GSTA3: variants seen among roughly 807,000 people sequenced by gnomAD.
GSTA3 encodes glutathione S-transferase alpha 3, also known as glutathione S-transferase A3.
Under a neutral mutation model 23.1 loss-of-function variants are expected in GSTA3, and 16 were observed. The ratio of observed to expected loss-of-function variants is 0.69; its 90% CI spans 0.47 to 1.05. The LOEUF is 1.05. Among genes scored for constraint, GSTA3 ranks in the 50% least tolerant of loss-of-function variants. GSTA3 has a pLI of 0.00. For missense variants in GSTA3, 319 were observed against 263.6 expected, an observed-to-expected ratio of 1.21 and a Z score of -1.46; for synonymous variants, 122 against 91.0, an observed-to-expected ratio of 1.34 and a Z score of -1.94.
intron 3 of GSTA3, among the ~76,000 whole-genome samples, chr6:52,903,442 A>T (rs1400477850): frequency 6.6e-6 from 1 of 151,344 alleles, no homozygotes. Context: ...AAAAAAAAAA[A>T]AAAAACTAGC....
chr6:52,905,139 A>G (rs1334655028), intron 2 of GSTA3, among the ~76,000 whole-genome samples: 1 of 152,172 alleles, frequency 6.6e-6, no homozygotes, highest in African/African-American at 2.4e-5. Context: ...TATTGTATAA[A>G]TTTCTCATAT....
At chr6:52,898,088 T>G in intron 5 of GSTA3, 132 bp from the exon 6 acceptor site, 1 of 1,004,996 alleles carries the variant, frequency 1.0e-6, no homozygotes, top group Admixed American at 1.9e-5. Flanking sequence ...TCCAGGCCTT[T>G]GTTTATGTTC....
At chr6:52,908,694 T>C (rs1765974745) in intron 1 of GSTA3, among the ~76,000 whole-genome samples, 1 of 152,224 alleles carries the variant, frequency 6.6e-6, no homozygotes. Context: ...ATAAGTGCTT[T>C]GGCAGGGTAG....
Position 52,896,935 on chromosome 6 carries a change from T to A in GSTA3, c.547-7A>T, listed in dbSNP as rs544635093. On this transcript the variant is annotated splice_region_variant and splice_polypyrimidine_tract_variant and intron_variant, in intron 6 of 6. Transcript: ENST00000211122. The stretch of plus-strand genomic sequence containing the variant: ...TGATTCTGGTTTTCAGGGCCTGTAA[T>A]TCACAAAGCACAGCCTCAGAGTGAA... The A allele has an allele frequency of 9.4e-5, 151 of 1,613,790 alleles. No individual in the cohort carries two copies. The highest frequency in any genetic ancestry group is 1.2e-4 in the Non-Finnish European group (137 of 1,179,814).
At chr6:52,906,366 T>C (rs1335921911) in intron 1 of GSTA3, among the ~76,000 whole-genome samples, 1 of 152,192 alleles carries the variant, frequency 6.6e-6, no homozygotes, top group Non-Finnish European at 1.5e-5. Context: ...TTCAGACTAG[T>C]TTCTTCCTGT....
chr6:52,908,003 A>AG (rs1027533445), intron 1 of GSTA3, among the ~76,000 whole-genome samples: 4 of 148,068 alleles, frequency 2.7e-5, no homozygotes, highest in African/African-American at 1.1e-4. Flanking sequence ...TAAAAAAAAA[A>AG]GAAGTTACCA....
intron 1 of GSTA3, among the ~76,000 whole-genome samples, chr6:52,906,496 C>T (rs1455955874): frequency 6.6e-6 from 1 of 152,168 alleles, no homozygotes; most frequent in Admixed American, 6.5e-5. Context: ...AAAGAGCCCG[C>T]ATCATCAAGT....
intron 3 of GSTA3, among the ~76,000 whole-genome samples, chr6:52,903,443 A>C (rs1045182163): frequency 7.9e-5 from 12 of 151,478 alleles, no homozygotes; most frequent in Non-Finnish European, 1.2e-4. Context: ...AAAAAAAAAA[A>C]AAAACTAGCC....
At chr6:52,900,120 G>T (rs1765618396) in intron 4 of GSTA3, 45 bp from the exon 5 acceptor site, 5 of 1,547,074 alleles carry the variant, frequency 3.2e-6, no homozygotes, top group Non-Finnish European at 4.4e-6. Flanking sequence ...TCTTGCCTTA[G>T]ATTTTGTAGG....
At chr6:52,899,312 A>C (rs1765586452) in intron 5 of GSTA3, among the ~76,000 whole-genome samples, 1 of 152,174 alleles carries the variant, frequency 6.6e-6, no homozygotes, top group African/African-American at 2.4e-5. Context: ...AACAGGGTGA[A>C]CTTGAATTCA....
chr6:52,898,006 G>C (rs748819736), intron 5 of GSTA3, 50 bp from the exon 6 acceptor site: 3 of 1,607,312 alleles, frequency 1.9e-6, no homozygotes, highest in Non-Finnish European at 2.6e-6. Flanking sequence ...CCCAGGATGG[G>C]ACCCCTGCTT....
intron 5 of GSTA3, among the ~76,000 whole-genome samples, chr6:52,898,770 C>T (rs540150115): frequency 3.3e-5 from 5 of 152,232 alleles, no homozygotes; most frequent in African/African-American, 4.8e-5. Flanking sequence ...TAGAAGGGTG[C>T]GCTCTCACAG....
chr6:52,899,544 A>G (rs769272760), intron 5 of GSTA3, among the ~76,000 whole-genome samples: 43 of 152,226 alleles, frequency 2.8e-4, no homozygotes, highest in Non-Finnish European at 4.6e-4. Flanking sequence ...GTCTTCCTAC[A>G]CATGGTGCCA....
chr6:52,904,296 G>A (rs770807699), intron 2 of GSTA3, among the ~76,000 whole-genome samples: 1 of 152,000 alleles, frequency 6.6e-6, no homozygotes, highest in African/African-American at 2.4e-5. Flanking sequence ...GGCCTGCTCC[G>A]TCTTTTACTT....
intron 5 of GSTA3, among the ~76,000 whole-genome samples, chr6:52,898,749 G>A (rs7755025): frequency 0.18 from 27,933 of 152,102 alleles, 4,703 homozygotes; most frequent in African/African-American, 0.4. Flanking sequence ...GCAAGGCAAG[G>A]TACTTCTATA....
At chr6:52,906,535 A>G (rs1227224667) in intron 1 of GSTA3, among the ~76,000 whole-genome samples, 5 of 152,240 alleles carry the variant, frequency 3.3e-5, no homozygotes, top group African/African-American at 9.6e-5. Context: ...ACAAAGCTGG[A>G]GGCATCACAC....
chr6:52,905,549 T>C (rs1278217830), intron 2 of GSTA3, among the ~76,000 whole-genome samples, 199 bp downstream of exon 2: 9 of 151,898 alleles, frequency 5.9e-5, no homozygotes, highest in Non-Finnish European at 1.2e-4. Context: ...TCATGTGTTC[T>C]TTTTCATGTG....
intron 5 of GSTA3, among the ~76,000 whole-genome samples, chr6:52,898,366 G>T (rs940296502): frequency 2.0e-5 from 3 of 152,054 alleles, no homozygotes; most frequent in African/African-American, 4.8e-5. Context: ...CCACCTTCAT[G>T]ACAGCACTCT....
chr6:52,902,511 A>G, intron 3 of GSTA3, 33 bp from the exon 4 acceptor site: 1 of 1,584,916 alleles, frequency 6.3e-7, no homozygotes, highest in Non-Finnish European at 8.6e-7. Flanking sequence ...GGAACATGAA[A>G]TTTCTATGAA....
Sources: gnomAD v4.1 joint callset for allele counts (sites outside exome capture counted in the v4.1 genomes callset) on GRCh38, gnomAD v4.1.1 for gene constraint, MANE v1.5 for transcripts, NCBI Gene and HGNC (gene_info 2026-07-23, HGNC 2026-07-21) for gene names.